Variants in ZDHHC21 observed in about 807,000 individuals in gnomAD.
The protein encoded by ZDHHC21 is palmitoyltransferase ZDHHC21.
ZDHHC21 carries 15 observed loss-of-function variants against 34.6 expected under a neutral mutation model. That is an observed-to-expected ratio of 0.43 (90% CI 0.29 to 0.67). The LOEUF (loss-of-function observed/expected upper bound fraction) is 0.67. Among genes scored for constraint, ZDHHC21 ranks in the 30% least tolerant of loss-of-function variants. The pLI, the probability that ZDHHC21 is intolerant of heterozygous loss-of-function variation, is 0.14. For synonymous variants in ZDHHC21, 142 were observed against 101.8 expected (o/e 1.40, Z -2.38); for missense variants, 344 against 327.7 (o/e 1.05, Z -0.38).
intron 6 of ZDHHC21, among the ~76,000 whole-genome samples, chr9:14,660,173 C>G (rs1319631711): frequency 6.6e-6 from 1 of 151,946 alleles, no homozygotes; most frequent in Non-Finnish European, 1.5e-5. Context: ...TGAGACCAGC[C>G]TGGCCAACAT....
chr9:14,632,064 A>ACACACACACACAC (rs1554757642), intron 8 of ZDHHC21, among the ~76,000 whole-genome samples: 2 of 135,070 alleles, frequency 1.5e-5, no homozygotes, highest in African/African-American at 5.7e-5. Flanking sequence ...AACACACACA[A>ACACACACACACAC]ACACACACAC....
chr9:14,646,347 AT>A (rs2133785925), intron 7 of ZDHHC21, among the ~76,000 whole-genome samples: 1 of 152,308 alleles, frequency 6.6e-6, no homozygotes, highest in African/African-American at 2.4e-5. Flanking sequence ...ATTTTACAAT[AT>A]AAAAGGTACA....
the ZDHHC21 span, among the ~76,000 whole-genome samples, chr9:14,600,405 G>A: frequency 1.3e-5 from 2 of 152,062 alleles, no homozygotes. Context: ...ATTCACAACT[G>A]CTACAAAGAG....
intron 8 of ZDHHC21, among the ~76,000 whole-genome samples, chr9:14,623,698 G>A (rs1411111339): frequency 1.4e-5 from 2 of 147,264 alleles, no homozygotes; most frequent in Non-Finnish European, 3.0e-5. Flanking sequence ...CTAAAACAGA[G>A]AAAAGATTAT....
rs1823583606 is a variant in ZDHHC21 at position 14,613,010 on chromosome 9, A to T, written c.*5956T>A. On this transcript the variant is annotated 3_prime_UTR_variant, in exon 10 of 10. Transcript: ENST00000380916. ...AATTAGAGTTCTTACCTTTTTATTC[A>T]TTGTTGCAGAAATAAAACAACTTGT... 1 of 151,812 alleles carries T rather than the reference A, an allele frequency of 6.6e-6. No individual in the cohort carries two copies. The highest frequency in any genetic ancestry group is 2.4e-5 in the African/African-American group (1 of 41,392). The allele number at this position is 151,812 out of a possible 1,614,324, so 9.4% of individuals were successfully genotyped here.
chr9:14,608,909 A>G (rs1237982989), downstream of ZDHHC21, among the ~76,000 whole-genome samples: 2 of 152,288 alleles, frequency 1.3e-5, no homozygotes, highest in Admixed American at 6.5e-5. Flanking sequence ...GCCTCTTTAT[A>G]ACAAGGCTAA....
downstream of ZDHHC21, among the ~76,000 whole-genome samples, chr9:14,609,282 T>C (rs949822238): frequency 6.6e-6 from 1 of 152,160 alleles, no homozygotes; most frequent in African/African-American, 2.4e-5. Flanking sequence ...CAGAATTTAA[T>C]TGTATTATTA....
At chr9:14,656,655 G>A (rs185317324) in intron 7 of ZDHHC21, among the ~76,000 whole-genome samples, 3 of 151,970 alleles carry the variant, frequency 2.0e-5, no homozygotes, top group Non-Finnish European at 4.4e-5. Flanking sequence ...CTAAGAGAAC[G>A]ATTTCTGCTC....
intron 1 of ZDHHC21, 84 bp downstream of exon 1, chr9:14,693,145 G>A (rs1305877401): frequency 4.2e-6 from 1 of 235,932 alleles, no homozygotes; most frequent in East Asian, 1.9e-4. Context: ...CGGCAGAGCG[G>A]AGCGGGGGCC....
In ZDHHC21 at chr9:14,614,978, A is replaced by C. The variant is rs1032798731; in HGVS notation, c.*3988T>G. On this transcript the variant is annotated 3_prime_UTR_variant, in exon 10 of 10. Transcript: ENST00000380916. ...AGCTAAGTAATCTATTGATACAGGAAGCGCAAGAGAAGCAGAGACTAGAGA... is the reference window on the plus strand; with the variant it reads ...AGCTAAGTAATCTATTGATACAGGACGCGCAAGAGAAGCAGAGACTAGAGA... 1 of 151,618 alleles carries C rather than the reference A, an allele frequency of 6.6e-6. No individual in the cohort carries two copies. Among genetic ancestry groups the C allele is most frequent in the Non-Finnish European group, 1.5e-5 (1 of 67,672 alleles). The allele number at this position is 151,618 out of a possible 1,614,324, so 9.4% of individuals were successfully genotyped here.
chr9:14,592,711 T>C, the ZDHHC21 span, among the ~76,000 whole-genome samples: 1 of 152,290 alleles, frequency 6.6e-6, no homozygotes, highest in Middle Eastern at 3.4e-3. Context: ...ACTATCAGAA[T>C]ACATGTTCTT....
At position 14,672,285 on chromosome 9, in the gene ZDHHC21, G is replaced by C. The variant is rs975216824; in HGVS notation, c.253+545C>G. 2.6e-5 allele frequency among the ~76,000 whole-genome samples: 4 copies of C among 152,016 alleles called. No homozygotes were observed. In the East Asian group the frequency reaches 7.7e-4, roughly 29 times the overall value. ...ACTATTCTACAGTTTCAACTCTCTA[G>C]GCATTCAATATTATCTTTCACTGTT... On this transcript the variant is annotated intron_variant, in intron 5 of 9. Coordinates refer to ENST00000380916, the MANE Select transcript of ZDHHC21 (RefSeq NM_178566.6).
intron 8 of ZDHHC21, among the ~76,000 whole-genome samples, chr9:14,620,941 C>T (rs79169870): frequency 0.042 from 6,349 of 152,056 alleles, 184 homozygotes; most frequent in South Asian, 0.094. Flanking sequence ...TAATAATTAA[C>T]CTTTCTCTGC....
chr9:14,645,148 G>A (rs902236144), intron 7 of ZDHHC21, among the ~76,000 whole-genome samples: 1 of 151,894 alleles, frequency 6.6e-6, no homozygotes, highest in Non-Finnish European at 1.5e-5. Context: ...AATTTCCATA[G>A]GAGGAAAATG....
chr9:14,690,039 A>T (rs1838939937), intron 2 of ZDHHC21, among the ~76,000 whole-genome samples: 2 of 152,198 alleles, frequency 1.3e-5, no homozygotes, highest in African/African-American at 4.8e-5. Context: ...GATTAAATGT[A>T]GGATAGGGAC....
chr9:14,650,633 G>A (rs369890509), intron 7 of ZDHHC21, among the ~76,000 whole-genome samples: 77 of 152,036 alleles, frequency 5.1e-4, no homozygotes, highest in African/African-American at 1.7e-3. Context: ...AATATTCAAA[G>A]CTACCTGCAG....
At chr9:14,629,844 C>T (rs954500664) in intron 8 of ZDHHC21, among the ~76,000 whole-genome samples, 46 of 152,008 alleles carry the variant, frequency 3.0e-4, no homozygotes, top group Non-Finnish European at 4.7e-4. Flanking sequence ...GTCAAGCGAT[C>T]GATACCATCC....
chr9:14,622,417 G>A (rs1825466599), intron 8 of ZDHHC21: 2 of 451,740 alleles, frequency 4.4e-6, no homozygotes, highest in Non-Finnish European at 5.8e-6. Flanking sequence ...TGGGGGGGCG[G>A]GGAAGTTCCT....
the ZDHHC21 span, among the ~76,000 whole-genome samples, chr9:14,595,795 A>G: frequency 6.6e-6 from 1 of 152,208 alleles, no homozygotes; most frequent in African/African-American, 2.4e-5. Context: ...GACATCTCCA[A>G]AAGAAGAAAA....
Sources: allele counts gnomAD v4.1 joint callset (sites outside exome capture counted in the v4.1 genomes callset), GRCh38; gene constraint gnomAD v4.1.1; transcripts MANE v1.5; gene names NCBI Gene and HGNC (gene_info 2026-07-23, HGNC 2026-07-21).